The following RINT1 variants were observed in gnomAD, a reference collection of about 807,000 sequenced individuals.
RINT1 encodes the protein RAD50-interacting protein 1.
RINT1 carries 75 observed loss-of-function variants against 97.7 expected under a neutral mutation model. The observed-to-expected ratio is 0.77, with a 90% CI of 0.64 to 0.93. The LOEUF is 0.93. RINT1 is among the 40% of genes least tolerant of loss of function. RINT1 has a pLI of 0.00. For synonymous variants in RINT1, 303 were observed against 326.3 expected (o/e 0.93, Z 0.77); for missense variants, 892 against 925.2 (o/e 0.96, Z 0.47).
intron 12 of RINT1, among the ~76,000 whole-genome samples, chr7:105,564,891 A>G (rs1791623817): frequency 1.3e-5 from 2 of 152,226 alleles, no homozygotes. Context: ...AATCCCAGCT[A>G]CTTGGGAGGC....
chr7:105,550,901 C>T (rs1262798199), intron 9 of RINT1, among the ~76,000 whole-genome samples: 6 of 152,108 alleles, frequency 3.9e-5, no homozygotes, highest in African/African-American at 1.2e-4. Flanking sequence ...ATTACAGGCA[C>T]GCACTACCAC....
At chr7:105,559,731 AAAC>A (rs1280366738) in intron 11 of RINT1, among the ~76,000 whole-genome samples, 1 of 152,100 alleles carries the variant, frequency 6.6e-6, no homozygotes, top group East Asian at 1.9e-4. Flanking sequence ...AAAAAATAAA[AAAC>A]AATAACTATA....
At chr7:105,534,102 ACTCTGTCT>A (rs1790135336) in intron 2 of RINT1, among the ~76,000 whole-genome samples, 1 of 150,964 alleles carries the variant, frequency 6.6e-6, no homozygotes, top group East Asian at 1.9e-4. Context: ...ACTTAGTCTC[ACTCTGTCT>A]CTCAGGCTGG....
At position 105,563,796 on chromosome 7, in the gene RINT1, T is replaced by G; in HGVS notation, c.1735T>G (p.Leu579Val). The change falls in exon 12 of 15, where the codon TTG becomes GTG. Residue 579 changes from leucine (L) to valine (V), a missense_variant. Coordinates refer to ENST00000257700, the MANE Select transcript of RINT1 (RefSeq NM_021930.6). The part of the protein sequence containing the change: ...VFAENNTLSK[L>V]QLGQLASMES... ...TGCAGAGAATAATACTCTGAGTAAATTGCAGCTAGGACAGCTAGCCTCTAT... is the reference window on the plus strand; with the variant it reads ...TGCAGAGAATAATACTCTGAGTAAAGTGCAGCTAGGACAGCTAGCCTCTAT... The G allele has an allele frequency of 6.2e-7, 1 of 1,614,196 alleles. No homozygotes were observed. The highest frequency in any genetic ancestry group is 8.5e-7 in the Non-Finnish European group (1 of 1,180,024).
chr7:105,547,718 C>CTTT lies in RINT1; in HGVS notation c.839+401_839+403dup, dbSNP rs34938925. 9.3e-3 allele frequency among the ~76,000 whole-genome samples: 1,075 copies of CTTT among 116,146 alleles called. 30 individuals carry two copies. The highest frequency in any genetic ancestry group is 0.034 in the South Asian group (118 of 3,490). 76.2% of individuals were successfully genotyped at this position (116,146 alleles called of 152,430 possible). A position where few individuals can be genotyped will look rare whatever the true frequency, so the allele number is the denominator to read the frequency against. On this transcript the variant is annotated intron_variant, in intron 6 of 14. Transcript: ENST00000257700. ...GATTAATTCTAATACCATTTTTGTGCTTTTTTTTTTTTTTTTTTGAGATGG... is the reference window on the plus strand; with the variant it reads ...GATTAATTCTAATACCATTTTTGTGCTTTTTTTTTTTTTTTTTTTTTGAGATGG...
At position 105,567,628 on chromosome 7, in the gene RINT1, A is replaced by T; in HGVS notation, c.*317A>T. The T allele has an allele frequency of 1.8e-6, 1 of 552,964 alleles. No individual in the cohort carries two copies. Among genetic ancestry groups the T allele is most frequent in the South Asian group, 2.7e-5 (1 of 37,630 alleles). 34.3% of individuals were successfully genotyped at this position (552,964 alleles called of 1,614,324 possible). On this transcript the variant is annotated 3_prime_UTR_variant, in exon 15 of 15. Coordinates refer to ENST00000257700, the MANE Select transcript of RINT1 (RefSeq NM_021930.6). ...TCAATTTCCTGTGCTAATTAAGGGA[A>T]ATTCTGTTGTGGATAATCAAACATA...
Position 105,532,916 on chromosome 7 carries a change from A to G in RINT1, c.88+47A>G, listed in dbSNP as rs748847763. On this transcript the variant is annotated intron_variant, in intron 2 of 14. Coordinates refer to ENST00000257700, the MANE Select transcript of RINT1 (RefSeq NM_021930.6). ...TAGCTTTTTCTTCCCGCCCAAACTC[A>G]GCCTTCCAGGGTCTGCAATATAGAA... The G allele has an allele frequency of 1.3e-5, 21 of 1,582,152 alleles. No homozygotes were observed. In the Admixed American group the frequency reaches 3.0e-4, roughly 23 times the overall value.
intron 3 of RINT1, among the ~76,000 whole-genome samples, chr7:105,537,209 C>T (rs539610082): frequency 6.7e-6 from 1 of 150,150 alleles, no homozygotes; most frequent in Non-Finnish European, 1.5e-5. Context: ...TGGCTCACTG[C>T]AACCTCTGCC....
chr7:105,547,939 C>T (rs1406800074), intron 6 of RINT1, among the ~76,000 whole-genome samples: 1 of 151,770 alleles, frequency 6.6e-6, no homozygotes, highest in East Asian at 1.9e-4. Context: ...GTTGGTCAGG[C>T]TGGCCTCGAA....
Position 105,542,741 on chromosome 7 carries a change from A to T in RINT1, c.515+92A>T, listed in dbSNP as rs1562844268. 8 of 1,222,630 alleles carry T rather than the reference A, an allele frequency of 6.5e-6. No individual in the cohort carries two copies. The Admixed American group carries it at 9.0e-5, about 14-fold the overall frequency. The allele number at this position is 1,222,630 out of a possible 1,614,324, so 75.7% of individuals were successfully genotyped here. A position where few individuals can be genotyped will look rare whatever the true frequency, so the allele number is the denominator to read the frequency against. ...TGTGTGCCATTAAATAATTGAGTTA[A>T]TTAAAGATTATAATAATATAATTTT... On this transcript the variant is annotated intron_variant, in intron 4 of 14. Transcript: ENST00000257700.
Position 105,532,816 on chromosome 7 carries a change from T to A in RINT1, c.43-8T>A. 6.2e-7 allele frequency: 1 copy of A among 1,614,114 alleles called. No individual in the cohort carries two copies. The highest frequency in any genetic ancestry group is 8.5e-7 in the Non-Finnish European group (1 of 1,179,972). On this transcript the variant is annotated splice_region_variant and splice_polypyrimidine_tract_variant and intron_variant, in intron 1 of 14. Transcript: ENST00000257700. ...TTAATGTGCTTGTCACATCTGTTCT[T>A]CTTCTAGTGCTGCTCTGAAAGTGGT...
At chr7:105,538,908 A>C (rs1790350946) in intron 3 of RINT1, among the ~76,000 whole-genome samples, 1 of 152,178 alleles carries the variant, frequency 6.6e-6, no homozygotes, top group East Asian at 1.9e-4. Flanking sequence ...GTGTTCGTCA[A>C]CCAGTCCTAT....
intron 12 of RINT1, 146 bp downstream of exon 12, chr7:105,564,093 T>G (rs1386790506): frequency 2.8e-5 from 18 of 644,416 alleles, no homozygotes; most frequent in Non-Finnish European, 4.5e-5. Context: ...GTATGTTCTC[T>G]TGGACATTTT....
intron 12 of RINT1, 77 bp downstream of exon 12, chr7:105,564,024 G>A: frequency 9.6e-7 from 1 of 1,043,686 alleles, no homozygotes; most frequent in Non-Finnish European, 1.4e-6. Flanking sequence ...TTTTCAAGGT[G>A]TCTAGATAGA....
chr7:105,546,084 C>T (rs527810312), intron 4 of RINT1, among the ~76,000 whole-genome samples: 6 of 152,308 alleles, frequency 3.9e-5, no homozygotes, highest in Admixed American at 1.3e-4. Context: ...CCATGTTGGC[C>T]TCCCAAAGTG....
intron 2 of RINT1, chr7:105,535,520 G>A (rs1372156045): frequency 2.5e-5 from 11 of 442,778 alleles, no homozygotes; most frequent in African/African-American, 4.0e-5. Context: ...GAGCCACCTC[G>A]CCCAGCCAAA....
chr7:105,547,044 T>C lies in RINT1; in HGVS notation c.650T>C (p.Val217Ala), dbSNP rs749226040. The C allele has an allele frequency of 9.9e-6, 16 of 1,613,944 alleles. No homozygotes were observed. Among genetic ancestry groups the C allele is most frequent in the Non-Finnish European group, 1.3e-5 (15 of 1,179,964 alleles). The change falls in exon 5 of 15, where the codon GTT (valine) becomes GCT (alanine). Residue 217 changes from valine (V) to alanine (A), a missense_variant. Coordinates refer to ENST00000257700, the MANE Select transcript of RINT1 (RefSeq NM_021930.6). Reference sequence around the variant, plus strand: ...CTTCTTGGTTTCATGAGAGCCACAGTTAAATTCTGGCATAAAATTCTCAAG... The same window carrying C: ...CTTCTTGGTTTCATGAGAGCCACAGCTAAATTCTGGCATAAAATTCTCAAG... ...THLLGFMRAT[V>A]KFWHKILKDK...
intron 11 of RINT1, among the ~76,000 whole-genome samples, chr7:105,556,233 AT>A (rs755166074): frequency 5.4e-5 from 8 of 148,284 alleles, no homozygotes; most frequent in Admixed American, 6.8e-5. Context: ...TGCCTGGCTA[AT>A]TTTTTTTTTA....
intron 10 of RINT1, among the ~76,000 whole-genome samples, chr7:105,552,555 T>C (rs1166219040): frequency 6.6e-6 from 1 of 152,076 alleles, no homozygotes; most frequent in African/African-American, 2.4e-5. Context: ...TGGACCCTCA[T>C]TGCCACCATC....
Sources: allele counts gnomAD v4.1 joint callset (sites outside exome capture counted in the v4.1 genomes callset), GRCh38; gene constraint gnomAD v4.1.1; transcripts MANE v1.5; gene names NCBI Gene and HGNC (gene_info 2026-07-23, HGNC 2026-07-21).